The following SGPL1 variants were observed in gnomAD, a reference collection of about 807,000 sequenced individuals.
SGPL1 encodes sphingosine-1-phosphate lyase 1, also known as SP-lyase 1.
SGPL1 carries 37 observed loss-of-function variants against 68.9 expected under a neutral mutation model. The observed-to-expected ratio is 0.54, with a 90% CI of 0.41 to 0.71. The LOEUF (loss-of-function observed/expected upper bound fraction) is 0.71, where lower values mean the gene tolerates loss of function less well. Among genes scored for constraint, SGPL1 ranks in the 30% least tolerant of loss-of-function variants. The pLI, the probability that SGPL1 is intolerant of heterozygous loss-of-function variation, is 0.00. For synonymous variants in SGPL1, 236 were observed against 248.5 expected, an observed-to-expected ratio of 0.95 and a Z score of 0.47; for missense variants, 551 against 704.6, an observed-to-expected ratio of 0.78 and a Z score of 2.47.
chr10:70,874,142 A>G (rs1226830460), intron 12 of SGPL1, among the ~76,000 whole-genome samples: 1 of 152,254 alleles, frequency 6.6e-6, no homozygotes, highest in Non-Finnish European at 1.5e-5. Flanking sequence ...TCTTGGGTTA[A>G]GCCAAGGCCA....
chr10:70,873,201 A>T, intron 11 of SGPL1, 150 bp from the exon 12 acceptor site: 2 of 669,978 alleles, frequency 3.0e-6, no homozygotes, highest in South Asian at 3.6e-5. Context: ...ATCCTTTAGC[A>T]TTTTAAGTTT....
chr10:70,860,380 T>C (rs1206533290), intron 7 of SGPL1: 1 of 465,462 alleles, frequency 2.1e-6, no homozygotes, highest in Non-Finnish European at 4.4e-6. Flanking sequence ...TTAGTTTCTT[T>C]TTTTTTTTCC....
rs1242455084 is a variant in SGPL1 at position 70,879,134 on chromosome 10, T to C, written c.*1799T>C. 6.5e-6 allele frequency: 1 copy of C among 152,778 alleles called. No individual in the cohort carries two copies. The highest frequency in any genetic ancestry group is 1.5e-5 in the Non-Finnish European group (1 of 68,146). 9.5% of individuals were successfully genotyped at this position (152,778 alleles called of 1,614,324 possible). A position where few individuals can be genotyped will look rare whatever the true frequency, so the allele number is the denominator to read the frequency against. On this transcript the variant is annotated 3_prime_UTR_variant, in exon 15 of 15. Coordinates refer to ENST00000373202, the MANE Select transcript of SGPL1 (RefSeq NM_003901.4). ...GGTTTCTATTTGGGGAGGGGAGTAC[T>C]TAAGATGAGTCAAAAGACACTTTCC...
intron 2 of SGPL1, among the ~76,000 whole-genome samples, chr10:70,839,604 G>A (rs924191288): frequency 1.8e-4 from 28 of 151,974 alleles, no homozygotes; most frequent in Non-Finnish European, 4.1e-4. Flanking sequence ...GTAAGCTAGT[G>A]GCCTTTGTGG....
chr10:70,825,660 T>C (rs1398188486), intron 2 of SGPL1, among the ~76,000 whole-genome samples: 5 of 152,192 alleles, frequency 3.3e-5, no homozygotes, highest in African/African-American at 1.2e-4. Flanking sequence ...TTAAAAGTAC[T>C]GCAGTCCAGC....
chr10:70,862,223 A>T (rs998246148), intron 7 of SGPL1, among the ~76,000 whole-genome samples: 6 of 152,206 alleles, frequency 3.9e-5, no homozygotes, highest in Admixed American at 3.9e-4. Flanking sequence ...TAAACACACC[A>T]ATCAGCACCC....
At chr10:70,852,693 A>G (rs1338640) in intron 4 of SGPL1, among the ~76,000 whole-genome samples, 150,274 of 152,280 alleles carry the variant, frequency 0.99, 74,181 homozygotes, top group Middle Eastern at 1. Context: ...GATACAAAAA[A>G]TTACATGTGT....
intron 5 of SGPL1, among the ~76,000 whole-genome samples, chr10:70,856,179 A>G (rs1845960492): frequency 6.6e-6 from 1 of 152,038 alleles, no homozygotes; most frequent in African/African-American, 2.4e-5. Context: ...TGTTTTTAGT[A>G]GAGATAAGAT....
rs531077460 is a variant in SGPL1 at position 70,871,946 on chromosome 10, G to A, written c.1019G>A (p.Arg340Gln). 235 of 1,614,110 alleles carry A rather than the reference G, an allele frequency of 1.5e-4. No homozygotes were observed. The South Asian group carries it at 2.3e-3, about 16-fold the overall frequency. ...GYPLEHPFDF[R>Q]VKGVTSISAD... ...CCACTGGAGCACCCATTTGATTTCC[G>A]GGTGAAAGGTGTAACCAGCATTTCA... is the stretch of plus-strand genomic sequence containing the variant. Residue 340 changes from arginine (R) to glutamine (Q), a missense_variant, in exon 11 of 15, where the codon CGG (arginine) becomes CAG (glutamine). Physicochemically the swap from Arg to Gln is conservative, Grantham distance 43 (BLOSUM62 1). Coordinates refer to ENST00000373202, the MANE Select transcript of SGPL1 (RefSeq NM_003901.4).
intron 12 of SGPL1, among the ~76,000 whole-genome samples, chr10:70,873,843 G>A (rs1846339579): frequency 6.6e-6 from 1 of 152,224 alleles, no homozygotes; most frequent in Non-Finnish European, 1.5e-5. Flanking sequence ...CTCTATGGAT[G>A]TCTTAATAAC....
chr10:70,872,743 CATAACCATCCATTTCT>C (rs1191656674), intron 11 of SGPL1, among the ~76,000 whole-genome samples: 1 of 152,188 alleles, frequency 6.6e-6, no homozygotes, highest in East Asian at 1.9e-4. Context: ...GTCCTTTTCC[CATAACCATCCATTTCT>C]GGATGGTTCA....
intron 2 of SGPL1, among the ~76,000 whole-genome samples, chr10:70,826,400 G>A (rs1025671825): frequency 6.6e-6 from 1 of 152,110 alleles, no homozygotes; most frequent in Non-Finnish European, 1.5e-5. Flanking sequence ...ATCCCCTCCT[G>A]GGCCAGGGTA....
At chr10:70,860,578 T>C (rs1315555015) in intron 7 of SGPL1, 1 of 394,006 alleles carries the variant, frequency 2.5e-6, no homozygotes, top group Non-Finnish European at 5.1e-6. Context: ...GTGAACAGGG[T>C]GACTTTCAGA....
intron 13 of SGPL1, 32 bp from the exon 14 acceptor site, chr10:70,876,509 A>T: frequency 6.3e-7 from 1 of 1,581,264 alleles, no homozygotes. Flanking sequence ...TCTTTCTTCA[A>T]GGTTCATCTC....
chr10:70,848,511 C>T (rs1845827218), intron 3 of SGPL1, among the ~76,000 whole-genome samples: 2 of 121,580 alleles, frequency 1.6e-5, no homozygotes, highest in Non-Finnish European at 3.2e-5. Flanking sequence ...GTCACCCAGG[C>T]TGGAGTGCAG....
intron 2 of SGPL1, among the ~76,000 whole-genome samples, chr10:70,831,147 G>C (rs2131861406): frequency 6.6e-6 from 1 of 152,154 alleles, no homozygotes; most frequent in Non-Finnish European, 1.5e-5. Flanking sequence ...ATCAGAATCT[G>C]GTAACCCGGA....
chr10:70,842,025 T>C (rs779536555), intron 2 of SGPL1, among the ~76,000 whole-genome samples: 6 of 152,192 alleles, frequency 3.9e-5, no homozygotes, highest in Non-Finnish European at 8.8e-5. Context: ...TTTGTTTTAT[T>C]GCTGTTGTTT....
chr10:70,854,945 A>C, intron 5 of SGPL1, 90 bp downstream of exon 5: 186 of 1,136,086 alleles, frequency 1.6e-4, no homozygotes, highest in Non-Finnish European at 2.1e-4. Flanking sequence ...AGAATAACTC[A>C]TCATTGGTTA....
At position 70,859,414 on chromosome 10, in the gene SGPL1, T is replaced by C; in HGVS notation, c.530T>C (p.Ile177Thr). The C allele has an allele frequency of 3.9e-6, 6 of 1,556,972 alleles. No homozygotes were observed. Among genetic ancestry groups the C allele is most frequent in the Non-Finnish European group, 5.2e-6 (6 of 1,153,264 alleles). Residue 177 changes from isoleucine to threonine, a missense_variant, in exon 7 of 15, where the codon ATC becomes ACC. Physicochemically the swap from Ile to Thr is moderately conservative, Grantham distance 89 (BLOSUM62 -1). Coordinates refer to ENST00000373202, the MANE Select transcript of SGPL1 (RefSeq NM_003901.4). ...TGGAGTAACCCCCTGCATCCAGATA[T>C]CTTCCCAGGACTACGCAAGATAGAG... ...FAWSNPLHPD[I>T]FPGLRKIEAE...
Sources: gnomAD v4.1 joint callset for allele counts (sites outside exome capture counted in the v4.1 genomes callset) on GRCh38, gnomAD v4.1.1 for gene constraint, MANE v1.5 for transcripts, NCBI Gene and HGNC (gene_info 2026-07-23, HGNC 2026-07-21) for gene names.